The following ANXA6 variants were observed in gnomAD, a reference collection of about 807,000 sequenced individuals.
ANXA6 encodes 67 kDa calelectrin.
Under a neutral mutation model 95.4 loss-of-function variants are expected in ANXA6, and 71 were observed. That is an observed-to-expected ratio of 0.74 (90% CI 0.61 to 0.91). ANXA6 has a LOEUF of 0.91. ANXA6 is among the 40% of genes least tolerant of loss of function. ANXA6 has a pLI of 0.00. For missense variants in ANXA6, 830 were observed against 876.4 expected (o/e 0.95, Z 0.67); for synonymous variants, 289 against 315.9 (o/e 0.91, Z 0.90).
intron 7 of ANXA6, among the ~76,000 whole-genome samples, chr5:151,135,270 G>A (rs1458798976): frequency 6.6e-6 from 1 of 152,148 alleles, no homozygotes; most frequent in Non-Finnish European, 1.5e-5. Flanking sequence ...GCTGCTTGGT[G>A]TCAAACCTTG....
rs1483195841 is a variant in ANXA6 at position 151,117,095 on chromosome 5, C to G, written c.1572+32G>C. On this transcript the variant is annotated intron_variant, in intron 20 of 25. Transcript: ENST00000354546. ...GGACCTACATCTCAGGGACACCCGG[C>G]AGAGGTGACTGGGGTGGGCTGGGGG... 3.2e-6 allele frequency: 5 copies of G among 1,555,532 alleles called. No individual in the cohort carries two copies. In the African/African-American group the frequency reaches 5.5e-5, roughly 17 times the overall value.
chr5:151,106,501 A>G (rs1479636356), intron 23 of ANXA6, among the ~76,000 whole-genome samples: 3 of 152,084 alleles, frequency 2.0e-5, no homozygotes, highest in African/African-American at 7.2e-5. Flanking sequence ...ACAAATCCCA[A>G]GCTCCTTGGC....
In ANXA6 at chr5:151,129,433, C is replaced by A. The variant is rs1765427415; in HGVS notation, c.892G>T (p.Glu298Ter). The A allele has an allele frequency of 6.2e-7, 1 of 1,613,530 alleles. No individual in the cohort carries two copies. The highest frequency in any genetic ancestry group is 8.5e-7 in the Non-Finnish European group (1 of 1,179,852). Residue 298 changes from glutamate to a stop codon, truncating the protein, a stop_gained, in exon 12 of 26, where the codon GAG becomes TAG. Coordinates refer to ENST00000354546, the MANE Select transcript of ANXA6 (RefSeq NM_001155.5). LOFTEE classifies it high-confidence loss of function. Reference protein sequence around the residue: ...DIREIFRTKYEKSLYSMIKND... With the variant: ...DIREIFRTKY ...TTGATCATGCTGTAGAGGGACTTCT[C>A]ATACTTGGTCCGGAAGATCTCCCGA... is the stretch of plus-strand genomic sequence containing the variant.
intron 13 of ANXA6, among the ~76,000 whole-genome samples, chr5:151,127,336 G>A (rs950689086): frequency 2.0e-5 from 3 of 152,328 alleles, no homozygotes; most frequent in South Asian, 2.1e-4. Context: ...AAATCAGAGC[G>A]CAGCCTGTTC....
At chr5:151,135,776 T>C (rs1237805970) in intron 7 of ANXA6, among the ~76,000 whole-genome samples, 3 of 152,248 alleles carry the variant, frequency 2.0e-5, no homozygotes, top group Non-Finnish European at 4.4e-5. Context: ...AGCAACTAAC[T>C]CAAACTTGTT....
At chr5:151,107,743 T>C (rs1450990664) in intron 23 of ANXA6, among the ~76,000 whole-genome samples, 2 of 152,234 alleles carry the variant, frequency 1.3e-5, no homozygotes, top group Non-Finnish European at 2.9e-5. Context: ...CATCCATATT[T>C]ATACACGGTG....
Position 151,126,386 on chromosome 5 carries a change from G to A in ANXA6, c.1056+16C>T, listed in dbSNP as rs770299444. On this transcript the variant is annotated intron_variant, in intron 14 of 25. Transcript: ENST00000354546. Reference sequence around the variant, plus strand: ...CTGTGGTCAAGAGGTCAAGCAGGAGGAGGGGAAGGTCTGACCTCTACTCGG... The same window carrying A: ...CTGTGGTCAAGAGGTCAAGCAGGAGAAGGGGAAGGTCTGACCTCTACTCGG... The A allele has an allele frequency of 6.2e-7, 1 of 1,600,154 alleles. No individual in the cohort carries two copies.
chr5:151,126,149 C>T, intron 14 of ANXA6, among the ~76,000 whole-genome samples: 1 of 152,172 alleles, frequency 6.6e-6, no homozygotes, highest in East Asian at 1.9e-4. Flanking sequence ...TGGAACCAGC[C>T]AGGTCTCCAT....
Position 151,134,414 on chromosome 5 carries a change from G to A in ANXA6, c.546+13C>T, listed in dbSNP as rs762708618. 3.1e-6 allele frequency: 5 copies of A among 1,613,750 alleles called. No homozygotes were observed. In the East Asian group the frequency reaches 8.9e-5, roughly 29 times the overall value. On this transcript the variant is annotated intron_variant, in intron 8 of 25. Transcript: ENST00000354546. Reference sequence around the variant, plus strand: ...CTGCTGTGCCTCAGGGACTTTCAGTGGTGCTTGTTTACCTGGACATCCTGT... The same window carrying A: ...CTGCTGTGCCTCAGGGACTTTCAGTAGTGCTTGTTTACCTGGACATCCTGT...
rs570195386 is a variant in ANXA6 at position 151,129,877 on chromosome 5, A to AT, written c.796-349dup. ...AGGTACCCACCACTACGCCTGGCTA[A>AT]TTTTTGTATTTTTAGTAGAGATGGG... is the stretch of plus-strand genomic sequence containing the variant. On this transcript the variant is annotated intron_variant, in intron 11 of 25. Coordinates refer to ENST00000354546, the MANE Select transcript of ANXA6 (RefSeq NM_001155.5). Among the ~76,000 whole-genome samples the AT allele has an allele frequency of 4.6e-5, 7 of 151,958 alleles. No homozygotes were observed. The South Asian group carries it at 1.5e-3, about 32-fold the overall frequency.
chr5:151,137,393 G>C (rs1765697661), intron 5 of ANXA6, 72 bp from the exon 6 acceptor site: 2 of 1,276,772 alleles, frequency 1.6e-6, no homozygotes, highest in Non-Finnish European at 2.2e-6. Flanking sequence ...TGGGATCAGG[G>C]AGTGGCCAGA....
rs148926965 is a variant in ANXA6 at position 151,132,409 on chromosome 5, C to T, written c.736+67G>A. On this transcript the variant is annotated intron_variant, in intron 10 of 25. Coordinates refer to ENST00000354546, the MANE Select transcript of ANXA6 (RefSeq NM_001155.5). Reference sequence around the variant, plus strand: ...ATGTAATTCCCCTTTCCATTCTCAGCCCCTTGTTCCTAGGCCAGTGTTCCA... The same window carrying T: ...ATGTAATTCCCCTTTCCATTCTCAGTCCCTTGTTCCTAGGCCAGTGTTCCA... 375 of 1,196,538 alleles carry T rather than the reference C, an allele frequency of 3.1e-4. 2 individuals carry two copies. In the African/African-American group the frequency reaches 4.3e-3, roughly 14 times the overall value. The allele number at this position is 1,196,538 out of a possible 1,614,324, so 74.1% of individuals were successfully genotyped here. A position where few individuals can be genotyped will look rare whatever the true frequency, so the allele number is the denominator to read the frequency against.
At chr5:151,114,459 A>C (rs146943914) in intron 20 of ANXA6, among the ~76,000 whole-genome samples, 2,576 of 151,874 alleles carry the variant, frequency 0.017, 74 homozygotes, top group African/African-American at 0.06. Flanking sequence ...TAAAAATACA[A>C]AAAAATTAGC....
intron 25 of ANXA6, among the ~76,000 whole-genome samples, chr5:151,102,154 C>G (rs1444213922): frequency 6.6e-6 from 1 of 152,178 alleles, no homozygotes; most frequent in East Asian, 1.9e-4. Flanking sequence ...TGGTATGGAT[C>G]TCCCTTCTGA....
At chr5:151,132,022 T>A (rs1765528092) in intron 10 of ANXA6, among the ~76,000 whole-genome samples, 1 of 152,180 alleles carries the variant, frequency 6.6e-6, no homozygotes, top group African/African-American at 2.4e-5. Context: ...ACGTTCTCAG[T>A]ACCCCCAACT....
At position 151,124,287 on chromosome 5, in the gene ANXA6, G is replaced by T; in HGVS notation, c.1137C>A (p.Leu379=). 6.2e-7 allele frequency: 1 copy of T among 1,613,324 alleles called. No homozygotes were observed. The highest frequency in any genetic ancestry group is 1.1e-5 in the South Asian group (1 of 90,878). The part of the protein sequence containing the change: ...AKALRKAMKG[L]GTDEDTIIDI... ...CTGCTCCCTTCCCATCCCCCATACCGAGTCCCTTCATGGCTTTCCGCAGCG... is the reference window on the plus strand; with the variant it reads ...CTGCTCCCTTCCCATCCCCCATACCTAGTCCCTTCATGGCTTTCCGCAGCG... The change falls in exon 15 of 26, where the codon CTC becomes CTA. Residue 379 remains leucine (L), a splice_region_variant and synonymous_variant. Transcript: ENST00000354546.
chr5:151,119,512 A>G, intron 17 of ANXA6, 122 bp from the exon 18 acceptor site: 1 of 805,476 alleles, frequency 1.2e-6, no homozygotes, highest in Non-Finnish European at 2.1e-6. Context: ...ACCTCCAGAC[A>G]TGGCCCTCAG....
intron 8 of ANXA6, 77 bp from the exon 9 acceptor site, chr5:151,133,264 C>T: frequency 2.1e-6 from 2 of 968,142 alleles, no homozygotes; most frequent in Non-Finnish European, 3.2e-6. Flanking sequence ...CCACTCAGAA[C>T]TGCTGCCTGA....
chr5:151,122,142 T>C lies in ANXA6; in HGVS notation c.1347+5A>G. ...GACACTAGACCCCCTGGTGCCACAC[T>C]GTACCTCCATGGCCTTCTTCAACTG... On this transcript the variant is annotated splice_donor_5th_base_variant and intron_variant, in intron 17 of 25. Transcript: ENST00000354546. The C allele has an allele frequency of 6.3e-7, 1 of 1,577,428 alleles. No individual in the cohort carries two copies. The highest frequency in any genetic ancestry group is 8.6e-7 in the Non-Finnish European group (1 of 1,164,542).
Sources: gnomAD v4.1 joint callset for allele counts (sites outside exome capture counted in the v4.1 genomes callset) on GRCh38, gnomAD v4.1.1 for gene constraint, MANE v1.5 for transcripts, NCBI Gene and HGNC (gene_info 2026-07-23, HGNC 2026-07-21) for gene names.